The following TBCA variants were observed in gnomAD, a reference collection of about 807,000 sequenced individuals.
The protein encoded by TBCA is tubulin folding cofactor A, also known as tubulin-specific chaperone A.
In TBCA, 6 loss-of-function variants were observed where a neutral mutation model predicts 15.8. The ratio of observed to expected loss-of-function variants is 0.38; its 90% CI spans 0.21 to 0.75. TBCA has a LOEUF of 0.75. TBCA is among the 30% of genes least tolerant of loss of function. The pLI, the probability that TBCA is intolerant of heterozygous loss-of-function variation, is 0.46. For synonymous variants in TBCA, 32 were observed against 42.3 expected, an observed-to-expected ratio of 0.76 and a Z score of 0.94; for missense variants, 90 against 131.2, an observed-to-expected ratio of 0.69 and a Z score of 1.53.
At chr5:77,739,449 G>A (rs762659448) in intron 1 of TBCA, among the ~76,000 whole-genome samples, 6 of 152,092 alleles carry the variant, frequency 3.9e-5, no homozygotes, top group Non-Finnish European at 7.3e-5. Flanking sequence ...TGAGTGAGGC[G>A]CTGTCTCAAC....
intron 1 of TBCA, among the ~76,000 whole-genome samples, chr5:77,717,747 G>T (rs746056423): frequency 6.7e-6 from 1 of 149,098 alleles, no homozygotes; most frequent in Non-Finnish European, 1.5e-5. Flanking sequence ...CAGGAGAATC[G>T]CTTGAAACCA....
intron 1 of TBCA, among the ~76,000 whole-genome samples, chr5:77,728,617 T>C (rs1746685438): frequency 1.3e-5 from 2 of 152,084 alleles, no homozygotes. Flanking sequence ...AATAAACTTG[T>C]GTGTTAAAAA....
intron 1 of TBCA, among the ~76,000 whole-genome samples, chr5:77,726,614 T>G (rs1327921097): frequency 3.3e-5 from 5 of 152,222 alleles, no homozygotes; most frequent in African/African-American, 1.2e-4. Flanking sequence ...TGAAAACTCA[T>G]TTAATATTCT....
chr5:77,752,710 C>T (rs12655579), intron 1 of TBCA, among the ~76,000 whole-genome samples: 13,531 of 113,092 alleles, frequency 0.12, 4,178 homozygotes, highest in African/African-American at 0.22. Context: ...AGGCGCCCGC[C>T]ACCGCGCCCG....
chr5:77,735,564 C>T (rs1746880173), intron 1 of TBCA, among the ~76,000 whole-genome samples: 3 of 152,150 alleles, frequency 2.0e-5, no homozygotes, highest in African/African-American at 2.4e-5. Flanking sequence ...ATTATCTTTG[C>T]TGTGATTCAA....
At chr5:77,775,893 C>T (rs1365179850) in intron 1 of TBCA, among the ~76,000 whole-genome samples, 2 of 152,214 alleles carry the variant, frequency 1.3e-5, no homozygotes, top group Admixed American at 1.3e-4. Context: ...CAGGGCCCGG[C>T]CCGCCCTCGC....
chr5:77,711,929 C>T (rs1458735333), intron 1 of TBCA, among the ~76,000 whole-genome samples: 1 of 151,480 alleles, frequency 6.6e-6, no homozygotes, highest in Non-Finnish European at 1.5e-5. Flanking sequence ...TGTGAAAAGG[C>T]CCAGGAAACA....
intron 1 of TBCA, among the ~76,000 whole-genome samples, chr5:77,761,445 C>T (rs1434394648): frequency 6.6e-6 from 1 of 151,974 alleles, no homozygotes; most frequent in African/African-American, 2.4e-5. Context: ...CAGCATGCTC[C>T]TTAAGAGTCA....
At chr5:77,766,938 G>A (rs1360676597) in intron 1 of TBCA, among the ~76,000 whole-genome samples, 2 of 152,134 alleles carry the variant, frequency 1.3e-5, no homozygotes, top group Non-Finnish European at 2.9e-5. Context: ...ACAATTCTGT[G>A]AAAAGCAATG....
At chr5:77,750,245 T>C (rs781567361) in intron 1 of TBCA, among the ~76,000 whole-genome samples, 8 of 151,808 alleles carry the variant, frequency 5.3e-5, no homozygotes, top group Non-Finnish European at 1.0e-4. Flanking sequence ...ATATATCCTA[T>C]TCAAAAAATT....
chr5:77,740,804 AACCTCAG>A (rs1315578395), intron 1 of TBCA, among the ~76,000 whole-genome samples: 1 of 144,414 alleles, frequency 6.9e-6, no homozygotes, highest in African/African-American at 2.4e-5. Flanking sequence ...CCCCAGGTAG[AACCTCAG>A]AAAACATTTA....
At position 77,691,422 on chromosome 5, in the gene TBCA, G is replaced by C. The variant is rs753518383; in HGVS notation, c.323C>G (p.Ala108Gly). 1.9e-5 allele frequency: 30 copies of C among 1,593,170 alleles called. 1 individual carries two copies. The South Asian group carries it at 3.5e-4, about 19-fold the overall frequency. Residue 108 changes from alanine to glycine, a missense_variant, in exon 4 of 4, where the codon GCC becomes GGC. Ala to Gly is a moderately conservative substitution (Grantham distance 60, BLOSUM62 0). Transcript: ENST00000380377. ...CCACCCCATACGAGAAAAGTTTCAGGCTTCTAACTTCACTGAATCCAGTAC... is the reference window on the plus strand; with the variant it reads ...CCACCCCATACGAGAAAAGTTTCAGCCTTCTAACTTCACTGAATCCAGTAC... ...RLVLDSVKLE[A>G]
intron 1 of TBCA, among the ~76,000 whole-genome samples, chr5:77,734,949 T>C (rs929872167): frequency 1.7e-4 from 26 of 152,226 alleles, no homozygotes; most frequent in African/African-American, 5.8e-4. Context: ...AAGGCTCAGA[T>C]GATTGTTAGG....
At chr5:77,771,219 A>G (rs1747903091) in intron 1 of TBCA, among the ~76,000 whole-genome samples, 1 of 152,202 alleles carries the variant, frequency 6.6e-6, no homozygotes, top group African/African-American at 2.4e-5. Context: ...GGAAAAAAAA[A>G]AAAGTATACA....
chr5:77,736,490 C>T (rs1746910133), intron 1 of TBCA, among the ~76,000 whole-genome samples: 1 of 152,134 alleles, frequency 6.6e-6, no homozygotes, highest in Non-Finnish European at 1.5e-5. Flanking sequence ...TATGGAATTC[C>T]AAACTTCTAA....
At chr5:77,719,897 T>C (rs370335980) in intron 1 of TBCA, among the ~76,000 whole-genome samples, 8 of 152,276 alleles carry the variant, frequency 5.3e-5, no homozygotes, top group African/African-American at 1.9e-4. Context: ...CTTGAGTTTA[T>C]ATGAGAAAGC....
At chr5:77,717,463 C>T (rs1207036623) in intron 1 of TBCA, among the ~76,000 whole-genome samples, 1 of 150,890 alleles carries the variant, frequency 6.6e-6, no homozygotes, top group African/African-American at 2.4e-5. Context: ...TGGGGATTTC[C>T]ACTATATTAA....
At chr5:77,736,431 T>C (rs1365007864) in intron 1 of TBCA, among the ~76,000 whole-genome samples, 1 of 151,930 alleles carries the variant, frequency 6.6e-6, no homozygotes, top group African/African-American at 2.4e-5. Context: ...CTTCAAATTG[T>C]CCCTGGAATT....
chr5:77,761,787 A>G (rs1747648782), intron 1 of TBCA, among the ~76,000 whole-genome samples: 2 of 151,990 alleles, frequency 1.3e-5, no homozygotes, highest in African/African-American at 4.8e-5. Context: ...TGTTTCCATC[A>G]AGGACTTTGT....
Sources: gnomAD v4.1 joint callset for allele counts (sites outside exome capture counted in the v4.1 genomes callset) on GRCh38, gnomAD v4.1.1 for gene constraint, MANE v1.5 for transcripts, NCBI Gene and HGNC (gene_info 2026-07-23, HGNC 2026-07-21) for gene names.